NT5DC1: variants seen among roughly 807,000 people sequenced by gnomAD.
NT5DC1 encodes 5'-nucleotidase domain containing 1, also known as 5'-nucleotidase domain-containing protein 1.
In NT5DC1, 42 loss-of-function variants were observed where a neutral mutation model predicts 59.4. The ratio of observed to expected loss-of-function variants is 0.71; its 90% CI spans 0.55 to 0.92. The LOEUF is 0.92. Ranked by LOEUF, NT5DC1 falls within the 40% of genes least tolerant of loss-of-function variation. The pLI, the probability that NT5DC1 is intolerant of heterozygous loss-of-function variation, is 0.00. For missense variants in NT5DC1, 501 were observed against 537.1 expected (o/e 0.93, Z 0.66); for synonymous variants, 172 against 188.1 (o/e 0.91, Z 0.70).
intron 1 of NT5DC1, among the ~76,000 whole-genome samples, chr6:116,103,400 C>A (rs1778702322): frequency 1.3e-5 from 2 of 151,824 alleles, no homozygotes; most frequent in South Asian, 4.2e-4. Flanking sequence ...AAAGTGTATC[C>A]AGGGCAACTA....
At chr6:116,130,766 T>G (rs1371758147) in intron 6 of NT5DC1, among the ~76,000 whole-genome samples, 2 of 152,118 alleles carry the variant, frequency 1.3e-5, no homozygotes, top group Non-Finnish European at 2.9e-5. Context: ...AGCTGCTTGG[T>G]CCCATGCTAA....
chr6:116,238,134 A>G, intron 9 of NT5DC1, 53 bp from the exon 10 acceptor site: 1 of 1,384,928 alleles, frequency 7.2e-7, no homozygotes, highest in Non-Finnish European at 9.8e-7. Context: ...TATGAAATAA[A>G]TGCCACTTTC....
chr6:116,125,379 G>T, intron 6 of NT5DC1: 1 of 1,613,650 alleles, frequency 6.2e-7, no homozygotes, highest in Middle Eastern at 1.7e-4. Context: ...ACTGTGTCTT[G>T]GTGTTGGGTA....
chr6:116,233,179 C>G (rs752113067), intron 8 of NT5DC1, among the ~76,000 whole-genome samples: 7 of 151,860 alleles, frequency 4.6e-5, no homozygotes, highest in Non-Finnish European at 7.4e-5. Context: ...TACATTTTAC[C>G]TAACTGTTAA....
chr6:116,103,882 A>G (rs1240233550), intron 1 of NT5DC1, among the ~76,000 whole-genome samples: 6 of 152,122 alleles, frequency 3.9e-5, no homozygotes, highest in South Asian at 2.1e-4. Flanking sequence ...CAAATATTGC[A>G]TGCTTATACT....
At chr6:116,124,615 A>G (rs1419864457) in intron 6 of NT5DC1, among the ~76,000 whole-genome samples, 2 of 152,218 alleles carry the variant, frequency 1.3e-5, no homozygotes, top group African/African-American at 2.4e-5. Context: ...AGCACTTTAC[A>G]GGTATTAATT....
At chr6:116,139,801 C>T (rs1275080064) in intron 6 of NT5DC1, among the ~76,000 whole-genome samples, 2 of 152,096 alleles carry the variant, frequency 1.3e-5, no homozygotes, top group African/African-American at 2.4e-5. Context: ...AAGACATCTT[C>T]AATGTGAGGG....
intron 11 of NT5DC1, among the ~76,000 whole-genome samples, chr6:116,241,823 C>T (rs1387950062): frequency 3.4e-5 from 5 of 148,574 alleles, no homozygotes; most frequent in Non-Finnish European, 5.9e-5. Context: ...CTCAGGAGGC[C>T]GAGGCAGGAG....
intron 6 of NT5DC1, among the ~76,000 whole-genome samples, chr6:116,183,369 T>G (rs1175231662): frequency 3.3e-5 from 5 of 152,126 alleles, no homozygotes; most frequent in Non-Finnish European, 7.4e-5. Flanking sequence ...TCTTTTTTGG[T>G]GCCATATGAA....
chr6:116,238,371 T>C (rs777804803), intron 10 of NT5DC1, 23 bp downstream of exon 10: 46 of 1,512,588 alleles, frequency 3.0e-5, no homozygotes, highest in Middle Eastern at 1.9e-4. Context: ...TGCAGCTCTT[T>C]CCTTGAAAGA....
chr6:116,127,705 A>G (rs556723267), intron 6 of NT5DC1, among the ~76,000 whole-genome samples: 40 of 152,210 alleles, frequency 2.6e-4, no homozygotes, highest in Middle Eastern at 6.8e-3. Context: ...GAATTATTAA[A>G]ATATATATTT....
chr6:116,116,354 A>T, intron 5 of NT5DC1, among the ~76,000 whole-genome samples: 1 of 152,202 alleles, frequency 6.6e-6, no homozygotes, highest in East Asian at 1.9e-4. Flanking sequence ...AAAAATAACT[A>T]CTTTTGGGGC....
intron 6 of NT5DC1, among the ~76,000 whole-genome samples, chr6:116,193,591 T>C (rs1275601933): frequency 1.3e-5 from 2 of 152,082 alleles, no homozygotes; most frequent in East Asian, 1.9e-4. Flanking sequence ...AAGTCACTAA[T>C]ATACACAGAA....
At chr6:116,125,502 T>C (rs773337533) in intron 6 of NT5DC1, 17 of 1,613,296 alleles carry the variant, frequency 1.1e-5, no homozygotes, top group Non-Finnish European at 1.4e-5. Context: ...TATTCTCAGA[T>C]GGATTCTGAA....
At chr6:116,206,359 G>T (rs940950574) in intron 6 of NT5DC1, among the ~76,000 whole-genome samples, 1 of 151,988 alleles carries the variant, frequency 6.6e-6, no homozygotes, top group Non-Finnish European at 1.5e-5. Context: ...ACCTAATGGG[G>T]TGAGTGTTAT....
At chr6:116,239,249 T>A in intron 11 of NT5DC1, 126 bp downstream of exon 11, 2 of 725,078 alleles carry the variant, frequency 2.8e-6, no homozygotes, top group Non-Finnish European at 4.5e-6. Context: ...AAAAATCTTC[T>A]AGATATGGAA....
intron 6 of NT5DC1, among the ~76,000 whole-genome samples, chr6:116,204,946 G>A (rs1057079698): frequency 4.6e-5 from 7 of 151,898 alleles, no homozygotes; most frequent in Non-Finnish European, 1.0e-4. Flanking sequence ...ATGTGTACTA[G>A]AAAATACATG....
chr6:116,174,193 T>A (rs1313529189), intron 6 of NT5DC1, among the ~76,000 whole-genome samples: 1 of 152,200 alleles, frequency 6.6e-6, no homozygotes, highest in South Asian at 2.1e-4. Flanking sequence ...TTGCCATGTT[T>A]CTCTACTGTA....
intron 6 of NT5DC1, among the ~76,000 whole-genome samples, chr6:116,126,493 G>T (rs1191805693): frequency 6.6e-6 from 1 of 152,098 alleles, no homozygotes; most frequent in Non-Finnish European, 1.5e-5. Context: ...ATATGTGGTA[G>T]TACATAAAAG....
Sources: gnomAD v4.1 joint callset for allele counts (sites outside exome capture counted in the v4.1 genomes callset) on GRCh38, gnomAD v4.1.1 for gene constraint, MANE v1.5 for transcripts, NCBI Gene and HGNC (gene_info 2026-07-23, HGNC 2026-07-21) for gene names.